FLNB: variants seen among roughly 807,000 people sequenced by gnomAD.
FLNB encodes filamin B.
FLNB carries 111 observed loss-of-function variants against 250.6 expected under a neutral mutation model. That is an observed-to-expected ratio of 0.44 (90% confidence interval 0.38 to 0.52). FLNB has a LOEUF of 0.52. FLNB is among the 20% of genes least tolerant of loss of function. The pLI, the probability that FLNB is intolerant of heterozygous loss-of-function variation, is 0.00. For synonymous variants in FLNB, 1,302 were observed against 1,372.1 expected (o/e 0.95, Z 1.13); for missense variants, 2,869 against 3,447.8 (o/e 0.83, Z 4.20).
chr3:58,098,964 C>A, intron 8 of FLNB, 56 bp downstream of exon 8: 1 of 1,500,552 alleles, frequency 6.7e-7, no homozygotes, highest in Non-Finnish European at 9.3e-7. Flanking sequence ...GACTGCACAG[C>A]TGGGCAGGGA....
chr3:58,132,813 G>C lies in FLNB; in HGVS notation c.4396G>C (p.Val1466Leu), dbSNP rs377463989. ...CCTCTCATCTCTGTCCTCAGGCTTG[G>C]TGGAGCCAGTGAACGTGGTGGACAA... ...EVRVLGPRGL[V>L]EPVNVVDNGD... The change falls in exon 26 of 46, where the codon GTG becomes CTG. Residue 1466 changes from valine (V) to leucine (L), a missense_variant. Around this residue, in one of 5 missense-constraint regions of FLNB, gnomAD observed 1,348 missense variants for 1,466.7 expected, o/e 0.92. Transcript: ENST00000295956. The C allele has an allele frequency of 6.2e-7, 1 of 1,614,154 alleles. No homozygotes were observed. Among genetic ancestry groups the C allele is most frequent in the South Asian group, 1.1e-5 (1 of 91,072 alleles).
Position 58,008,607 on chromosome 3 carries a change from A to G in FLNB, c.43A>G (p.Lys15Glu). Reference sequence around the variant, plus strand: ...GGATCTAGCTGAGGACGCGCCTTGGAAGAAGATCCAGCAGAACACGTTCAC... The same window carrying G: ...GGATCTAGCTGAGGACGCGCCTTGGGAGAAGATCCAGCAGAACACGTTCAC... ...EKDLAEDAPW[K>E]KIQQNTFTRW... The change falls in exon 1 of 46, where the codon AAG becomes GAG. Residue 15 changes from lysine (K) to glutamate (E), a missense_variant. Physicochemically the swap from Lys to Glu is moderately conservative, Grantham distance 56 (BLOSUM62 1). This residue lies in a region of FLNB where 308 missense variants were observed against 466.1 expected (regional missense o/e 0.66). Coordinates refer to ENST00000295956, the MANE Select transcript of FLNB (RefSeq NM_001457.4). 1 of 1,612,264 alleles carries G rather than the reference A, an allele frequency of 6.2e-7. No individual in the cohort carries two copies. Among genetic ancestry groups the G allele is most frequent in the Non-Finnish European group, 8.5e-7 (1 of 1,179,434 alleles).
chr3:58,021,859 C>T (rs1197563030), intron 1 of FLNB, among the ~76,000 whole-genome samples: 2 of 152,112 alleles, frequency 1.3e-5, no homozygotes, highest in East Asian at 1.9e-4. Flanking sequence ...GCTGCAGCCT[C>T]GACCTCCTTG....
rs1264642309 is a variant in FLNB, at chr3:58,111,919, C to T, written c.2575+38C>T. 1.7e-5 allele frequency: 26 copies of T among 1,534,290 alleles called. No individual in the cohort carries two copies. The East Asian group carries it at 5.8e-4, about 35-fold the overall frequency. The stretch of plus-strand genomic sequence containing the variant: ...GTCTAGGTTGTCCTGGGCCCCTCTG[C>T]CAGCCGGTGGCACTGGGCGTGTTTC... On this transcript the variant is annotated intron_variant, in intron 17 of 45. Coordinates refer to ENST00000295956, the MANE Select transcript of FLNB (RefSeq NM_001457.4).
chr3:58,087,663 G>A (rs536312727), intron 4 of FLNB, among the ~76,000 whole-genome samples: 2 of 152,114 alleles, frequency 1.3e-5, no homozygotes, highest in East Asian at 3.9e-4. Context: ...TCTTGGCCAG[G>A]CTGGTCTTGA....
intron 1 of FLNB, among the ~76,000 whole-genome samples, chr3:58,044,860 T>C (rs2097151327): frequency 1.3e-5 from 2 of 152,170 alleles, no homozygotes; most frequent in South Asian, 4.1e-4. Context: ...ATTTCCTCCT[T>C]CTAGGCCCAA....
In FLNB at chr3:58,008,807, C is replaced by A; in HGVS notation, c.243C>A (p.Ser81=). 1 of 1,613,934 alleles carries A rather than the reference C, an allele frequency of 6.2e-7. No individual in the cohort carries two copies. Among genetic ancestry groups the A allele is most frequent in the Non-Finnish European group, 8.5e-7 (1 of 1,179,954 alleles). The change falls in exon 1 of 46, where the codon TCC becomes TCA. Residue 81 remains serine, a synonymous_variant. Coordinates refer to ENST00000295956, the MANE Select transcript of FLNB (RefSeq NM_001457.4). ...GCCAGATGCAGCTCGAGAATGTGTCCGTGGCGCTCGAGTTCCTGGACCGTG... is the reference window on the plus strand; with the variant it reads ...GCCAGATGCAGCTCGAGAATGTGTCAGTGGCGCTCGAGTTCCTGGACCGTG... ...TFRQMQLENV[S]VALEFLDRES...
At chr3:58,108,218 G>C (rs2097262931) in intron 12 of FLNB, among the ~76,000 whole-genome samples, 1 of 152,212 alleles carries the variant, frequency 6.6e-6, no homozygotes, top group Non-Finnish European at 1.5e-5. Flanking sequence ...CCGCATGCGG[G>C]CTTCAGGCCG....
chr3:58,136,813 G>A (rs561664473), intron 28 of FLNB, among the ~76,000 whole-genome samples: 14 of 134,358 alleles, frequency 1.0e-4, no homozygotes, highest in South Asian at 7.3e-4. Flanking sequence ...GTGCAGTGAC[G>A]CAATCTCAGC....
In FLNB at chr3:58,138,300, C is replaced by T. The variant is rs2097320092; in HGVS notation, c.4880C>T (p.Thr1627Ile). The T allele has an allele frequency of 6.2e-7, 1 of 1,614,144 alleles. No individual in the cohort carries two copies. Among genetic ancestry groups the T allele is most frequent in the Non-Finnish European group, 8.5e-7 (1 of 1,180,042 alleles). Residue 1627 changes from threonine (T) to isoleucine (I), a missense_variant, in exon 29 of 46, where the codon ACT (threonine) becomes ATT (isoleucine). This residue lies in a region of FLNB where 1,084 missense variants were observed against 1,315.5 expected (regional missense o/e 0.82). Coordinates refer to ENST00000295956, the MANE Select transcript of FLNB (RefSeq NM_001457.4). ...CLATGPGIAS[T>I]VKTGEEVGFV... Reference sequence around the variant, plus strand: ...TCTCCAGGTCCTGGAATCGCCTCCACTGTGAAAACTGGCGAAGAAGTAGGC... The same window carrying T: ...TCTCCAGGTCCTGGAATCGCCTCCATTGTGAAAACTGGCGAAGAAGTAGGC...
intron 7 of FLNB, among the ~76,000 whole-genome samples, 170 bp from the exon 8 acceptor site, chr3:58,098,541 C>G (rs1412311880): frequency 6.6e-6 from 1 of 152,098 alleles, no homozygotes; most frequent in Non-Finnish European, 1.5e-5. Context: ...CCATGTTGGC[C>G]AGGCTGGTCT....
At chr3:58,126,552 C>T in intron 23 of FLNB, 50 bp from the exon 24 acceptor site, 1 of 1,591,926 alleles carries the variant, frequency 6.3e-7, no homozygotes, top group Non-Finnish European at 8.6e-7. Context: ...AATAAGCAGA[C>T]CAGCATAAAT....
chr3:58,099,296 T>C (rs1356696633), intron 8 of FLNB, among the ~76,000 whole-genome samples: 1 of 152,156 alleles, frequency 6.6e-6, no homozygotes, highest in Non-Finnish European at 1.5e-5. Context: ...GCACTTACCA[T>C]GACTGCATCT....
At chr3:58,102,956 C>T (rs530868374) in intron 9 of FLNB, among the ~76,000 whole-genome samples, 67 of 152,052 alleles carry the variant, frequency 4.4e-4, no homozygotes, top group Non-Finnish European at 7.5e-4. Context: ...GGTGTCTTCA[C>T]TTTTTTCGTT....
At chr3:58,100,518 T>C (rs937177056) in intron 8 of FLNB, among the ~76,000 whole-genome samples, 2 of 150,552 alleles carry the variant, frequency 1.3e-5, no homozygotes, top group Non-Finnish European at 3.0e-5. Context: ...GCCTCTTGAG[T>C]AGCTAAGACT....
chr3:58,118,262 G>A lies in FLNB; in HGVS notation c.2746-610G>A, dbSNP rs1025465504. On this transcript the variant is annotated intron_variant, in intron 18 of 45. Transcript: ENST00000295956. ...GGAAATGGAAGTTCAGATATTGTGCGATGGTCTTAGCACAGGTCTAGGTGA... is the reference window on the plus strand; with the variant it reads ...GGAAATGGAAGTTCAGATATTGTGCAATGGTCTTAGCACAGGTCTAGGTGA... Among the ~76,000 whole-genome samples, 3 of 152,222 alleles carry A rather than the reference G, an allele frequency of 2.0e-5. No homozygotes were observed. The South Asian group carries it at 6.2e-4, about 31-fold the overall frequency.
intron 1 of FLNB, among the ~76,000 whole-genome samples, chr3:58,018,570 C>G (rs577956316): frequency 8.1e-5 from 12 of 148,936 alleles, no homozygotes; most frequent in Non-Finnish European, 1.6e-4. Context: ...GGCTGGAGTA[C>G]AGTGGCGCGA....
At chr3:58,061,093 C>T (rs143338599) in intron 1 of FLNB, among the ~76,000 whole-genome samples, 33 of 152,276 alleles carry the variant, frequency 2.2e-4, no homozygotes, top group East Asian at 1.2e-3. Flanking sequence ...ATTGCACTAG[C>T]GATTTAAACA....
intron 3 of FLNB, 72 bp from the exon 4 acceptor site, chr3:58,081,557 G>A (rs2097209268): frequency 2.8e-6 from 4 of 1,406,928 alleles, no homozygotes; most frequent in Non-Finnish European, 4.0e-6. Context: ...TGGTTTAAGA[G>A]GCATTTGCAA....
Sources: allele counts gnomAD v4.1 joint callset (sites outside exome capture counted in the v4.1 genomes callset), GRCh38; gene constraint gnomAD v4.1.1; regional missense constraint gnomAD v4.1.1; transcripts MANE v1.5; gene names NCBI Gene and HGNC (gene_info 2026-07-23, HGNC 2026-07-21).